The following CCDC102B variants were observed in gnomAD, a reference collection of about 807,000 sequenced individuals.
CCDC102B encodes the protein coiled-coil domain containing 102B, also known as coiled-coil domain-containing protein 102B.
Under a neutral mutation model 57.4 loss-of-function variants are expected in CCDC102B, and 75 were observed. The ratio of observed to expected loss-of-function variants is 1.31; its 90% CI spans 1.08 to 1.58. The LOEUF (loss-of-function observed/expected upper bound fraction) is 1.58. Among genes scored for constraint, CCDC102B ranks in the 40% most tolerant of loss-of-function variants. The probability of loss-of-function intolerance (pLI) is 0.00; values close to 1 mark genes in which losing one functional copy is unlikely to be tolerated. For synonymous variants in CCDC102B, 206 were observed against 201.9 expected, an observed-to-expected ratio of 1.02 and a Z score of -0.17; for missense variants, 636 against 582.6, an observed-to-expected ratio of 1.09 and a Z score of -0.94.
intron 2 of CCDC102B, among the ~76,000 whole-genome samples, chr18:68,789,709 G>A: frequency 7.0e-6 from 1 of 143,266 alleles, no homozygotes. Context: ...CTCTGTATTG[G>A]TTATTCTAGT....
chr18:68,958,986 T>A (rs2049978520), intron 6 of CCDC102B, among the ~76,000 whole-genome samples: 1 of 152,236 alleles, frequency 6.6e-6, no homozygotes, highest in Admixed American at 6.5e-5. Flanking sequence ...CATCTGTCTC[T>A]GCAGAATTGG....
At chr18:68,800,426 C>T (rs17079720) in intron 1 of CCDC102B, among the ~76,000 whole-genome samples, 20,088 of 152,040 alleles carry the variant, frequency 0.13, 1,531 homozygotes, top group East Asian at 0.3. Flanking sequence ...CCACACTTTT[C>T]CTTTGGGAAT....
intron 5 of CCDC102B, among the ~76,000 whole-genome samples, chr18:68,877,315 C>G (rs2078439835): frequency 6.6e-6 from 1 of 152,210 alleles, no homozygotes; most frequent in African/African-American, 2.4e-5. Context: ...GCCCACCTCC[C>G]TTCTTTAGAA....
chr18:68,893,226 G>A (rs903604143), intron 5 of CCDC102B, among the ~76,000 whole-genome samples: 1 of 152,132 alleles, frequency 6.6e-6, no homozygotes, highest in African/African-American at 2.4e-5. Flanking sequence ...AATGATTTCA[G>A]TTCTCCCTCA....
intron 6 of CCDC102B, among the ~76,000 whole-genome samples, chr18:68,977,026 A>G (rs2050456399): frequency 6.6e-6 from 1 of 151,996 alleles, no homozygotes; most frequent in African/African-American, 2.4e-5. Flanking sequence ...CTTCATATAT[A>G]TCCTATAAAT....
At position 68,959,575 on chromosome 18, in the gene CCDC102B, G is replaced by C. The variant is rs2049994350; in HGVS notation, c.1264-51359G>C. Among the ~76,000 whole-genome samples, 3 of 152,178 alleles carry C rather than the reference G, an allele frequency of 2.0e-5. No individual in the cohort carries two copies. In the East Asian group the frequency reaches 5.8e-4, roughly 30 times the overall value. Reference sequence around the variant, plus strand: ...AGTTTGCAACTCTAGCCAGGCTTGTGTCCTTCATTTCAGGGCAGCGAGTTC... The same window carrying C: ...AGTTTGCAACTCTAGCCAGGCTTGTCTCCTTCATTTCAGGGCAGCGAGTTC... On this transcript the variant is annotated intron_variant, in intron 6 of 7. Transcript: ENST00000360242.
upstream of CCDC102B, among the ~76,000 whole-genome samples, chr18:68,797,208 A>G (rs1034726835): frequency 3.9e-5 from 6 of 152,268 alleles, no homozygotes; most frequent in African/African-American, 1.4e-4. Flanking sequence ...TTAAGTAGAG[A>G]TAGATGATAA....
At chr18:68,767,013 C>T (rs1002612762) in intron 2 of CCDC102B, among the ~76,000 whole-genome samples, 1 of 152,194 alleles carries the variant, frequency 6.6e-6, no homozygotes, top group Non-Finnish European at 1.5e-5. Flanking sequence ...GAAATACACA[C>T]TTCGGTAAAT....
chr18:68,856,409 G>T (rs563917202), intron 4 of CCDC102B, among the ~76,000 whole-genome samples: 1 of 152,150 alleles, frequency 6.6e-6, no homozygotes, highest in East Asian at 1.9e-4. Context: ...TCCCACCTCA[G>T]CCTCTAGATT....
chr18:68,796,872 T>C (rs1175631039), upstream of CCDC102B, among the ~76,000 whole-genome samples: 5 of 151,378 alleles, frequency 3.3e-5, no homozygotes, highest in African/African-American at 9.7e-5. Context: ...TGTGTGTGTA[T>C]TGTCACTTTG....
intron 7 of CCDC102B, among the ~76,000 whole-genome samples, chr18:69,052,620 G>A (rs1041606116): frequency 1.8e-4 from 28 of 151,724 alleles, no homozygotes; most frequent in African/African-American, 6.5e-4. Context: ...AGATGGTATA[G>A]CCTACTCCAT....
At chr18:68,756,389 T>A (rs2034051448) in intron 2 of CCDC102B, among the ~76,000 whole-genome samples, 1 of 152,096 alleles carries the variant, frequency 6.6e-6, no homozygotes, top group South Asian at 2.1e-4. Flanking sequence ...AAAGGCAATA[T>A]AACAGATAAG....
chr18:69,046,977 C>A lies in CCDC102B; in HGVS notation c.1435-7053C>A, dbSNP rs188343864. Among the ~76,000 whole-genome samples, 14 of 152,138 alleles carry A rather than the reference C, an allele frequency of 9.2e-5. No individual in the cohort carries two copies. In the East Asian group the frequency reaches 2.7e-3, roughly 29 times the overall value. On this transcript the variant is annotated intron_variant, in intron 7 of 7. Transcript: ENST00000360242. ...TATGTGTCTATTTTTGTATCAGTAC[C>A]ATGCTGTTTTGGTTACTGTAGCCTT... is the stretch of plus-strand genomic sequence containing the variant.
intron 2 of CCDC102B, among the ~76,000 whole-genome samples, chr18:68,791,476 AATT>A (rs1417852654): frequency 6.6e-6 from 1 of 152,196 alleles, no homozygotes; most frequent in Non-Finnish European, 1.5e-5. Flanking sequence ...CAGAAAAATT[AATT>A]ATACACTGTA....
chr18:68,891,469 T>C (rs977334367), intron 5 of CCDC102B, among the ~76,000 whole-genome samples: 12 of 152,246 alleles, frequency 7.9e-5, no homozygotes, highest in Non-Finnish European at 1.3e-4. Context: ...GAGCTTTGAT[T>C]CTCATTTTGT....
At chr18:68,931,687 C>A (rs1377556174) in intron 6 of CCDC102B, among the ~76,000 whole-genome samples, 5 of 151,838 alleles carry the variant, frequency 3.3e-5, no homozygotes, top group Admixed American at 3.3e-4. Context: ...CTAGTGGGGG[C>A]CTTGTTCTTG....
In CCDC102B at chr18:68,851,027, A is replaced by G. The variant is rs74492352; in HGVS notation, c.936+4606A>G. Among the ~76,000 whole-genome samples, 489 of 152,238 alleles carry G rather than the reference A, an allele frequency of 3.2e-3. 16 individuals are homozygous for G. The East Asian group carries it at 0.075, about 23-fold the overall frequency. On this transcript the variant is annotated intron_variant, in intron 4 of 7. Transcript: ENST00000360242. ...ATATTTGTTTACTGTTGCCTTCCCC[A>G]TTGAACTGTCAGCTTCATGAGGATA...
intron 2 of CCDC102B, among the ~76,000 whole-genome samples, chr18:68,723,009 A>G (rs904901736): frequency 4.0e-5 from 6 of 150,550 alleles, no homozygotes; most frequent in African/African-American, 1.5e-4. Context: ...ACACTGGGTA[A>G]TTTATAAAAA....
chr18:68,726,716 A>G lies in CCDC102B; in HGVS notation c.-67+10122A>G, dbSNP rs577914388. ...AGGATTCTTGAATTCCTCCCTGCAT[A>G]TTGTCACAATCTGGTGAGGCAGATC... On this transcript the variant is annotated intron_variant, in intron 2 of 3. Coordinates refer to the CCDC102B transcript ENST00000578970. Among the ~76,000 whole-genome samples the G allele has an allele frequency of 6.2e-4, 95 of 152,290 alleles. 1 individual carries two copies. In the Middle Eastern group the frequency reaches 0.01, roughly 16 times the overall value.
Sources: allele counts gnomAD v4.1 joint callset (sites outside exome capture counted in the v4.1 genomes callset), GRCh38; gene constraint gnomAD v4.1.1; transcripts MANE v1.5; gene names NCBI Gene and HGNC (gene_info 2026-07-23, HGNC 2026-07-21).